FRMD3: variants seen among roughly 807,000 people sequenced by gnomAD.
FRMD3 encodes FERM domain-containing protein 3.
A neutral mutation model predicts 70.2 loss-of-function variants in FRMD3; 33 were observed. The observed-to-expected ratio is 0.47, with a 90% CI of 0.36 to 0.63. FRMD3 has a LOEUF of 0.63. Ranked by LOEUF, FRMD3 falls within the 20% of genes least tolerant of loss-of-function variation. The pLI is 0.00. For synonymous variants in FRMD3, 279 were observed against 255.9 expected (o/e 1.09, Z -0.86); for missense variants, 632 against 711.4 (o/e 0.89, Z 1.27).
At chr9:83,305,635 C>T (rs1014479781) in intron 10 of FRMD3, among the ~76,000 whole-genome samples, 5 of 152,198 alleles carry the variant, frequency 3.3e-5, no homozygotes, top group Non-Finnish European at 7.3e-5. Flanking sequence ...CTAAAGTGAC[C>T]TGGCCAAGGT....
At chr9:83,381,936 C>T (rs2131280343) in intron 2 of FRMD3, among the ~76,000 whole-genome samples, 1 of 152,164 alleles carries the variant, frequency 6.6e-6, no homozygotes, top group East Asian at 1.9e-4. Flanking sequence ...TCCAATAAAA[C>T]CTTATTTACA....
the FRMD3 span, among the ~76,000 whole-genome samples, chr9:83,576,813 C>A: frequency 6.6e-6 from 1 of 151,970 alleles, no homozygotes; most frequent in Non-Finnish European, 1.5e-5. Context: ...AATAAAACTA[C>A]CTCTATTTTG....
intron 3 of FRMD3, among the ~76,000 whole-genome samples, chr9:83,359,580 G>C (rs541001609): frequency 6.6e-6 from 1 of 152,320 alleles, no homozygotes; most frequent in African/African-American, 2.4e-5. Context: ...AGTTGTTGTA[G>C]TAGAGAAGCA....
intron 5 of FRMD3, among the ~76,000 whole-genome samples, chr9:83,337,407 C>T (rs946497720): frequency 3.3e-5 from 5 of 152,168 alleles, no homozygotes; most frequent in Non-Finnish European, 7.4e-5. Context: ...AGAGAAATGC[C>T]TACACATCTC....
chr9:83,572,666 A>G, the FRMD3 span, among the ~76,000 whole-genome samples: 1 of 152,152 alleles, frequency 6.6e-6, no homozygotes, highest in Non-Finnish European at 1.5e-5. Context: ...AGGAAGTGAA[A>G]GTGAGACAGG....
intron 3 of FRMD3, among the ~76,000 whole-genome samples, chr9:83,363,863 G>T (rs1254569047): frequency 6.6e-6 from 1 of 152,098 alleles, no homozygotes; most frequent in African/African-American, 2.4e-5. Context: ...TGAGACATAG[G>T]CATTTTTAAT....
chr9:83,247,705 A>G lies in FRMD3; in HGVS notation c.*213T>C, dbSNP rs890478034. On this transcript the variant is annotated 3_prime_UTR_variant, in exon 14 of 14. Coordinates refer to ENST00000304195, the MANE Select transcript of FRMD3 (RefSeq NM_174938.6). ...TAAACATATTTTTGGTTATTTAAAG[A>G]CCATCTTCCTAACCTGTAACTAAAA... 1 of 1,379,722 alleles carries G rather than the reference A, an allele frequency of 7.2e-7. No individual in the cohort carries two copies. The highest frequency in any genetic ancestry group is 9.4e-7 in the Non-Finnish European group (1 of 1,058,338). 85.5% of individuals were successfully genotyped at this position (1,379,722 alleles called of 1,614,324 possible).
At chr9:83,349,095 G>A (rs1824058012) in intron 4 of FRMD3, among the ~76,000 whole-genome samples, 2 of 152,178 alleles carry the variant, frequency 1.3e-5, no homozygotes, top group Non-Finnish European at 1.5e-5. Context: ...CTCACAACAT[G>A]TGCCCAGGTT....
chr9:83,416,757 C>CTCTCTCTCTCTCTG (rs1158488503), intron 1 of FRMD3, among the ~76,000 whole-genome samples: 1 of 108,854 alleles, frequency 9.2e-6, no homozygotes, highest in African/African-American at 4.0e-5. Context: ...CTCTCTCTCT[C>CTCTCTCTCTCTCTG]TCTCTCTCTC....
At chr9:83,355,634 A>G (rs1051534603) in intron 3 of FRMD3, among the ~76,000 whole-genome samples, 5 of 152,202 alleles carry the variant, frequency 3.3e-5, no homozygotes, top group African/African-American at 1.2e-4. Flanking sequence ...GGTGGATCCA[A>G]ATGGCTCCTG....
At chr9:83,378,172 TGGCTGTTACCATCTTTA>T (rs1482186998) in intron 2 of FRMD3, among the ~76,000 whole-genome samples, 1 of 152,082 alleles carries the variant, frequency 6.6e-6, no homozygotes, top group Non-Finnish European at 1.5e-5. Context: ...CAATAAGCAC[TGGCTGTTACCATCTTTA>T]GGCTCCATGA....
intron 1 of FRMD3, among the ~76,000 whole-genome samples, chr9:83,489,196 C>G (rs12352296): frequency 0.15 from 23,361 of 152,024 alleles, 2,078 homozygotes; most frequent in East Asian, 0.33. Context: ...CCTTGGTAAA[C>G]ATCAAAGATT....
At chr9:83,320,772 C>T (rs1164846985) in intron 6 of FRMD3, among the ~76,000 whole-genome samples, 1 of 152,042 alleles carries the variant, frequency 6.6e-6, no homozygotes, top group Admixed American at 6.6e-5. Context: ...TGCATGTTCT[C>T]TAGAATTCAG....
At chr9:83,261,140 C>CACACAG (rs757325628) in intron 13 of FRMD3, among the ~76,000 whole-genome samples, 14 of 150,026 alleles carry the variant, frequency 9.3e-5, no homozygotes, top group African/African-American at 2.9e-4. Flanking sequence ...CACACACACA[C>CACACAG]AGCAGATCCT....
At chr9:83,524,628 T>C (rs979047656) in intron 1 of FRMD3, among the ~76,000 whole-genome samples, 1 of 152,204 alleles carries the variant, frequency 6.6e-6, no homozygotes, top group African/African-American at 2.4e-5. Flanking sequence ...TGGTATTTAG[T>C]GTAATAAGAG....
At chr9:83,390,855 GA>G (rs1430640718) in intron 1 of FRMD3, among the ~76,000 whole-genome samples, 2 of 152,158 alleles carry the variant, frequency 1.3e-5, no homozygotes, top group African/African-American at 4.8e-5. Context: ...AAATAATTTT[GA>G]AAGATCAGTT....
chr9:83,494,969 T>C (rs1030910246), intron 1 of FRMD3, among the ~76,000 whole-genome samples: 2 of 152,166 alleles, frequency 1.3e-5, no homozygotes, highest in African/African-American at 4.8e-5. Flanking sequence ...ATATTTCCAA[T>C]GTCATCAATT....
rs114881586 is a variant in FRMD3, at chr9:83,316,665, C to T, written c.597-2918G>A. Among the ~76,000 whole-genome samples, 1,459 of 152,248 alleles carry T rather than the reference C, an allele frequency of 9.6e-3. 24 individuals carry two copies. Among genetic ancestry groups the T allele is most frequent in the African/African-American group, 0.033 (1,360 of 41,560 alleles). On this transcript the variant is annotated intron_variant, in intron 6 of 13. Coordinates refer to ENST00000304195, the MANE Select transcript of FRMD3 (RefSeq NM_174938.6). ...CCCAATCAGTACTTGTGGGCACTTT[C>T]GATCCAGCAATTACTATCTTGGGCC...
At chr9:83,256,511 T>C (rs1459692678) in intron 13 of FRMD3, among the ~76,000 whole-genome samples, 2 of 151,938 alleles carry the variant, frequency 1.3e-5, no homozygotes, top group Non-Finnish European at 1.5e-5. Flanking sequence ...AAAGCAAAAA[T>C]TGACAAATGG....
Sources: gnomAD v4.1 joint callset for allele counts (sites outside exome capture counted in the v4.1 genomes callset) on GRCh38, gnomAD v4.1.1 for gene constraint, MANE v1.5 for transcripts, NCBI Gene and HGNC (gene_info 2026-07-23, HGNC 2026-07-21) for gene names.